The following MAL variants were observed in gnomAD, a reference collection of about 807,000 sequenced individuals.
MAL encodes the protein myelin and lymphocyte protein.
In MAL, 5 loss-of-function variants were observed where a neutral mutation model predicts 16.7. The observed-to-expected ratio is 0.30, with a 90% CI of 0.16 to 0.63. The LOEUF (loss-of-function observed/expected upper bound fraction) is 0.63, where lower values mean the gene tolerates loss of function less well. Ranked by LOEUF, MAL falls within the 30% of genes least tolerant of loss-of-function variation. MAL has a pLI of 0.82. For missense variants in MAL, 202 were observed against 195.8 expected, an observed-to-expected ratio of 1.03 and a Z score of -0.19; for synonymous variants, 96 against 85.5, an observed-to-expected ratio of 1.12 and a Z score of -0.67.
chr2:95,048,862 G>C (rs1674649855), intron 2 of MAL, among the ~76,000 whole-genome samples: 1 of 152,152 alleles, frequency 6.6e-6, no homozygotes, highest in African/African-American at 2.4e-5. Context: ...TGTCACCCAG[G>C]CTGGAGTGCA....
At chr2:95,031,880 G>T (rs1053956856) in intron 1 of MAL, among the ~76,000 whole-genome samples, 1 of 152,236 alleles carries the variant, frequency 6.6e-6, no homozygotes, top group Admixed American at 6.5e-5. Flanking sequence ...GTTTGGTGGA[G>T]AAGTGACTTT....
chr2:95,047,251 G>A (rs1674612061), intron 1 of MAL, among the ~76,000 whole-genome samples: 1 of 152,198 alleles, frequency 6.6e-6, no homozygotes, highest in African/African-American at 2.4e-5. Context: ...TTCTCAGAAT[G>A]ATGAATTACT....
intron 1 of MAL, among the ~76,000 whole-genome samples, chr2:95,047,134 C>A (rs1368206938): frequency 6.6e-6 from 1 of 152,062 alleles, no homozygotes; most frequent in Non-Finnish European, 1.5e-5. Flanking sequence ...CTGGTCACTA[C>A]CATTGCATAA....
At chr2:95,045,673 G>C (rs1474553840) in intron 1 of MAL, among the ~76,000 whole-genome samples, 3 of 152,210 alleles carry the variant, frequency 2.0e-5, no homozygotes, top group African/African-American at 7.2e-5. Context: ...ACTTAGGAGA[G>C]GGGTTCCCAG....
intron 1 of MAL, among the ~76,000 whole-genome samples, chr2:95,031,105 G>T (rs923316409): frequency 2.6e-5 from 4 of 152,220 alleles, no homozygotes; most frequent in Non-Finnish European, 5.9e-5. Context: ...TTTCAGAGCT[G>T]GCAGGGAACT....
intron 1 of MAL, among the ~76,000 whole-genome samples, chr2:95,037,680 G>GTGAGTGAGTGAGTGGGTGAGTGAGTGAC (rs1674273440): frequency 7.3e-6 from 1 of 137,816 alleles, no homozygotes; most frequent in Non-Finnish European, 1.7e-5. Context: ...GAGTGACTGA[G>GTGAGTGAGTGAGTGGGTGAGTGAGTGAC]TGAGTGAGTG....
rs1421350175 is a variant in MAL, at chr2:95,048,086, TAA to T, written c.222_223del (p.Ile75TrpfsTer49). The T allele has an allele frequency of 6.2e-7, 1 of 1,613,416 alleles. No individual in the cohort carries two copies. Among genetic ancestry groups the T allele is most frequent in the Non-Finnish European group, 8.5e-7 (1 of 1,179,472 alleles). On this transcript the variant is annotated frameshift_variant, in exon 2 of 4. Transcript: ENST00000309988. LOFTEE classifies it high-confidence loss of function. Reference sequence around the variant, plus strand: ...ACCACCACCTTGATCATCCTGTACATAATTGGAGCCCACGGTGGAGAGACTTC... The same window carrying T: ...ACCACCACCTTGATCATCCTGTACATTTGGAGCCCACGGTGGAGAGACTTC...
At chr2:95,030,005 A>T (rs1048533048) in intron 1 of MAL, among the ~76,000 whole-genome samples, 1 of 152,182 alleles carries the variant, frequency 6.6e-6, no homozygotes, top group Non-Finnish European at 1.5e-5. Flanking sequence ...CATAGTTCAG[A>T]TTCCCATGCC....
In MAL at chr2:95,025,847, T is replaced by C; in HGVS notation, c.55T>C (p.Phe19Leu). The C allele has an allele frequency of 6.3e-7, 1 of 1,578,818 alleles. No homozygotes were observed. Among genetic ancestry groups the C allele is most frequent in the Non-Finnish European group, 8.6e-7 (1 of 1,163,348 alleles). ...CACCCTGCCCAGTGGCTTCTCGGTCTTCACCACCTTGCCCGACTTGCTCTT... is the reference window on the plus strand; with the variant it reads ...CACCCTGCCCAGTGGCTTCTCGGTCCTCACCACCTTGCCCGACTTGCTCTT... ...GSTLPSGFSV[F>L]TTLPDLLFIF... Residue 19 changes from phenylalanine (F) to leucine (L), a missense_variant, in exon 1 of 4, where the codon TTC (phenylalanine) becomes CTC (leucine). Physicochemically the swap from Phe to Leu is conservative, Grantham distance 22. Coordinates refer to ENST00000309988, the MANE Select transcript of MAL (RefSeq NM_002371.4). The surrounding 1 kb of genome is among the most constrained non-coding windows in gnomAD (Gnocchi z 5.6).
At chr2:95,035,815 G>A (rs1353226070) in intron 1 of MAL, among the ~76,000 whole-genome samples, 2 of 151,750 alleles carry the variant, frequency 1.3e-5, no homozygotes, top group South Asian at 2.1e-4. Context: ...GACTACAGGC[G>A]CCCACCACCA....
intron 1 of MAL, among the ~76,000 whole-genome samples, chr2:95,029,411 C>CT (rs1674023258): frequency 6.6e-6 from 1 of 152,256 alleles, no homozygotes; most frequent in African/African-American, 2.4e-5. Context: ...ACGTATCCTT[C>CT]TGCAACATGC....
chr2:95,043,478 A>C (rs553761075), intron 1 of MAL, among the ~76,000 whole-genome samples: 51 of 152,318 alleles, frequency 3.3e-4, no homozygotes, highest in African/African-American at 1.0e-3. Flanking sequence ...AGGCAGAATC[A>C]CTTGCTGCAG....
Position 95,053,364 on chromosome 2 carries a change from ATT to A in MAL, c.388-15_388-14del. The A allele has an allele frequency of 6.3e-7, 1 of 1,590,250 alleles. No individual in the cohort carries two copies. The highest frequency in any genetic ancestry group is 8.6e-7 in the Non-Finnish European group (1 of 1,158,990). ...TCCCTACACAAACCCATTAACGGCC[ATT>A]TCTCTTGGTTCCAGGTGTTCTCCTA... On this transcript the variant is annotated splice_polypyrimidine_tract_variant and intron_variant, in intron 3 of 3. Transcript: ENST00000309988.
chr2:95,043,723 CTCT>C lies in MAL; in HGVS notation c.94-4229_94-4227del, dbSNP rs577179281. On this transcript the variant is annotated intron_variant, in intron 1 of 3. Coordinates refer to ENST00000309988, the MANE Select transcript of MAL (RefSeq NM_002371.4). ...TCGGCTGTGCCTTTCCCGTATCCTC[CTCT>C]TCTTCTCAGGATTGCTCTTCACCCT... Among the ~76,000 whole-genome samples, 147 of 152,344 alleles carry C rather than the reference CTCT, an allele frequency of 9.6e-4. 3 individuals carry two copies. Among genetic ancestry groups the C allele is most frequent in the South Asian group, 5.2e-3 (25 of 4,822 alleles).
chr2:95,052,968 C>T (rs1558663362), intron 3 of MAL: 1 of 169,182 alleles, frequency 5.9e-6, no homozygotes, highest in Non-Finnish European at 1.3e-5. Flanking sequence ...ATCTCTCAAC[C>T]GAGCTACCAG....
At chr2:95,048,222 C>T (rs1306858167) in intron 2 of MAL, 96 bp downstream of exon 2, 4 of 1,270,590 alleles carry the variant, frequency 3.1e-6, no homozygotes, top group Non-Finnish European at 4.5e-6. Flanking sequence ...CCAGGTGAGA[C>T]TTCTCCGTAG....
chr2:95,036,344 A>G (rs4854242), intron 1 of MAL, among the ~76,000 whole-genome samples: 5,925 of 152,198 alleles, frequency 0.039, 396 homozygotes, highest in Admixed American at 0.16. Flanking sequence ...ATCTTGTGCC[A>G]ACTACCGGGC....
In MAL at chr2:95,038,198, GAGTGAGTGAGTGACTC is replaced by G. The variant is rs1281984650; in HGVS notation, c.94-9745_94-9730del. Among the ~76,000 whole-genome samples, 33 of 140,630 alleles carry G rather than the reference GAGTGAGTGAGTGACTC, an allele frequency of 2.3e-4. 1 individual carries two copies. Among genetic ancestry groups the G allele is most frequent in the Middle Eastern group, 7.8e-3 (2 of 258 alleles). The allele number at this position is 140,630 out of a possible 152,430, so 92.3% of individuals were successfully genotyped here. Reference sequence around the variant, plus strand: ...TGAGTGACTGTGTGAGTTACTGAGTGAGTGAGTGAGTGACTCAGTGAGTGAGTGACTGAGTGACTGA... The same window carrying G: ...TGAGTGACTGTGTGAGTTACTGAGTGAGTGAGTGAGTGACTGAGTGACTGA... On this transcript the variant is annotated intron_variant, in intron 1 of 3. Coordinates refer to ENST00000309988, the MANE Select transcript of MAL (RefSeq NM_002371.4).
At chr2:95,028,167 A>C (rs1035441059) in intron 1 of MAL, among the ~76,000 whole-genome samples, 2 of 149,892 alleles carry the variant, frequency 1.3e-5, no homozygotes, top group Non-Finnish European at 3.0e-5. Context: ...AAAAAAAAAA[A>C]AAAAAAAAAC....
Sources: allele counts gnomAD v4.1 joint callset (sites outside exome capture counted in the v4.1 genomes callset), GRCh38; gene constraint gnomAD v4.1.1; non-coding constraint Gnocchi (gnomAD v3.1); transcripts MANE v1.5; gene names NCBI Gene and HGNC (gene_info 2026-07-23, HGNC 2026-07-21).